Variants in EVL observed in about 807,000 individuals in gnomAD.
The protein encoded by EVL is Enah/Vasp-like.
Under a neutral mutation model 59.6 loss-of-function variants are expected in EVL, and 21 were observed. That is an observed-to-expected ratio of 0.35 (90% CI 0.25 to 0.51). The LOEUF (loss-of-function observed/expected upper bound fraction) is 0.51. Among genes scored for constraint, EVL ranks in the 20% least tolerant of loss-of-function variants. The probability of loss-of-function intolerance (pLI) is 0.97; values close to 1 mark genes in which losing one functional copy is unlikely to be tolerated. For synonymous variants in EVL, 198 were observed against 203.5 expected, an observed-to-expected ratio of 0.97 and a Z score of 0.23; for missense variants, 462 against 546.6, an observed-to-expected ratio of 0.85 and a Z score of 1.54.
At position 100,130,983 on chromosome 14, in the gene EVL, G is replaced by A. The variant is rs576191110; in HGVS notation, c.839+1299G>A. Among the ~76,000 whole-genome samples, 11 of 152,298 alleles carry A rather than the reference G, an allele frequency of 7.2e-5. No homozygotes were observed. In the South Asian group the frequency reaches 1.9e-3, roughly 26 times the overall value. On this transcript the variant is annotated intron_variant, in intron 7 of 13. Transcript: ENST00000392920. The surrounding 1 kb of genome is among the most constrained non-coding windows in gnomAD (Gnocchi z 4.8). The stretch of plus-strand genomic sequence containing the variant: ...GTGGGTGAGAGAGCCGGGAGGGCTC[G>A]CAGAACGATGAGGACGTCCCGTGCT...
rs79701189 is a variant in EVL at position 100,048,756 on chromosome 14, A to C, written c.6-35931A>C. On this transcript the variant is annotated intron_variant, in intron 1 of 13. Coordinates refer to the EVL transcript ENST00000402714. Reference sequence around the variant, plus strand: ...AACACTACTCTGCAAAAAAACAAACAAAAAAAACACTAATTATTAACTAAC... The same window carrying C: ...AACACTACTCTGCAAAAAAACAAACCAAAAAAACACTAATTATTAACTAAC... Among the ~76,000 whole-genome samples the C allele has an allele frequency of 7.7e-3, 1,173 of 152,046 alleles. 8 individuals carry two copies. Among genetic ancestry groups the C allele is most frequent in the African/African-American group, 0.024 (995 of 41,484 alleles).
intron 1 of EVL, among the ~76,000 whole-genome samples, chr14:99,983,787 T>A (rs1166108697): frequency 6.6e-6 from 1 of 152,212 alleles, no homozygotes; most frequent in Non-Finnish European, 1.5e-5. Flanking sequence ...CCTTCAAATC[T>A]TATTTGAAAC....
In EVL at chr14:100,114,304, C is replaced by T. The variant is rs1191687647; in HGVS notation, c.359-9235C>T. Among the ~76,000 whole-genome samples the T allele has an allele frequency of 2.6e-5, 4 of 152,130 alleles. No individual in the cohort carries two copies. The highest frequency in any genetic ancestry group is 4.8e-5 in the African/African-American group (2 of 41,430). The stretch of plus-strand genomic sequence containing the variant: ...GCACACTTGCTCCCTTCTGACGCCA[C>T]ACCTACCCTGTTCCATCCCATTGCC... On this transcript the variant is annotated intron_variant, in intron 3 of 13. Transcript: ENST00000392920. This position sits in a 1 kb window ranked among gnomAD's most constrained non-coding sequence, Gnocchi z 5.0.
intron 1 of EVL, among the ~76,000 whole-genome samples, chr14:100,042,541 C>G (rs1482494000): frequency 6.6e-6 from 1 of 152,164 alleles, no homozygotes; most frequent in Non-Finnish European, 1.5e-5. Flanking sequence ...CATCTCTGGG[C>G]CCTGGGCCCA....
At chr14:100,016,240 AAAAC>A (rs1169730773) in intron 1 of EVL, among the ~76,000 whole-genome samples, 1 of 151,972 alleles carries the variant, frequency 6.6e-6, no homozygotes, top group Non-Finnish European at 1.5e-5. Context: ...AACAAAAACA[AAAAC>A]AAAACACTGG....
intron 4 of EVL, among the ~76,000 whole-genome samples, chr14:100,124,061 A>G (rs1206163927): frequency 1.3e-5 from 2 of 152,228 alleles, no homozygotes; most frequent in African/African-American, 4.8e-5. Flanking sequence ...AGTGGGGAAG[A>G]GGAAGGGCCA....
intron 3 of EVL, chr14:100,105,927 C>T (rs1300485796): frequency 1.3e-5 from 2 of 152,216 alleles, no homozygotes; most frequent in African/African-American, 2.4e-5. Flanking sequence ...TTCCTTGAGT[C>T]GGGGGAGAAC....
chr14:100,070,058 C>T (rs2062015934), intron 1 of EVL, among the ~76,000 whole-genome samples: 1 of 139,928 alleles, frequency 7.1e-6, no homozygotes, highest in Non-Finnish European at 1.5e-5. Context: ...AAGACCTCCT[C>T]TCTTAAAAAA....
intron 3 of EVL, among the ~76,000 whole-genome samples, chr14:100,116,125 C>T (rs967763260): frequency 8.5e-5 from 13 of 152,200 alleles, no homozygotes; most frequent in African/African-American, 2.9e-4. Context: ...GACACTTGCT[C>T]GCTTGGTGAT....
chr14:100,059,677 T>C (rs1659500399), intron 1 of EVL, among the ~76,000 whole-genome samples: 1 of 151,542 alleles, frequency 6.6e-6, no homozygotes, highest in African/African-American at 2.4e-5. Context: ...TCAGTTGAGA[T>C]CCCAGAACTG....
chr14:100,129,943 G>A (rs1888325955), intron 7 of EVL, among the ~76,000 whole-genome samples: 1 of 152,216 alleles, frequency 6.6e-6, no homozygotes, highest in Admixed American at 6.5e-5. Context: ...TACCAGCCCT[G>A]TCCTGAGCAG....
intron 9 of EVL, 102 bp from the exon 10 acceptor site, chr14:100,137,476 C>T (rs1365042741): frequency 3.9e-6 from 5 of 1,292,668 alleles, no homozygotes; most frequent in South Asian, 1.2e-5. Context: ...GCTCTGCACC[C>T]TTGGCATGGG....
intron 1 of EVL, among the ~76,000 whole-genome samples, chr14:100,044,661 T>A (rs139778174): frequency 0.011 from 1,748 of 152,246 alleles, 41 homozygotes; most frequent in Admixed American, 0.039. Context: ...GGTATCTAAT[T>A]CCCAGGCCCA....
At chr14:100,094,327 G>A (rs187352811) in intron 2 of EVL, among the ~76,000 whole-genome samples, 9 of 152,238 alleles carry the variant, frequency 5.9e-5, no homozygotes, top group African/African-American at 1.4e-4. Context: ...TGGATTAGGC[G>A]TCATCTGCCC....
chr14:100,071,941 C>T (rs1204224905), intron 1 of EVL, among the ~76,000 whole-genome samples: 1 of 151,864 alleles, frequency 6.6e-6, no homozygotes, highest in Non-Finnish European at 1.5e-5. Context: ...ACACCTGTGC[C>T]CATTAAGAAA....
At chr14:100,083,365 TTACTC>T (rs1048801016) in intron 1 of EVL, among the ~76,000 whole-genome samples, 1 of 152,130 alleles carries the variant, frequency 6.6e-6, no homozygotes, top group Admixed American at 6.5e-5. Flanking sequence ...TGTGTACAGT[TTACTC>T]TATCTTTTTT....
In EVL at chr14:100,019,845, G is replaced by A. The variant is rs147250684; in HGVS notation, c.5+47788G>A. ...TTTATCCCAGTCATGGGGGTGGGAG[G>A]TGCAGAGGTGGTGCAGGTCAGGGGT... is the stretch of plus-strand genomic sequence containing the variant. On this transcript the variant is annotated intron_variant, in intron 1 of 13. Coordinates refer to the EVL transcript ENST00000402714. Among the ~76,000 whole-genome samples the A allele has an allele frequency of 4.6e-5, 7 of 152,328 alleles. No individual in the cohort carries two copies. In the East Asian group the frequency reaches 1.3e-3, roughly 29 times the overall value.
Position 100,076,990 on chromosome 14 carries a change from A to T in EVL, c.12-7697A>T, listed in dbSNP as rs536635014. Among the ~76,000 whole-genome samples, 9 of 152,368 alleles carry T rather than the reference A, an allele frequency of 5.9e-5. No homozygotes were observed. The South Asian group carries it at 1.9e-3, about 32-fold the overall frequency. ...TAAAGAAGATGAGGAAAGAGGAAAG[A>T]TATGGGTAGATAAAGGAGGATAAGC... On this transcript the variant is annotated intron_variant, in intron 1 of 13. Transcript: ENST00000392920.
At chr14:100,115,245 G>C (rs1038684707) in intron 3 of EVL, among the ~76,000 whole-genome samples, 2 of 152,162 alleles carry the variant, frequency 1.3e-5, no homozygotes, top group Non-Finnish European at 2.9e-5. Flanking sequence ...CCCAAACAGT[G>C]GGGGTGGGGT....
Sources: gnomAD v4.1 joint callset for allele counts (sites outside exome capture counted in the v4.1 genomes callset) on GRCh38, gnomAD v4.1.1 for gene constraint, Gnocchi (gnomAD v3.1) non-coding constraint, MANE v1.5 for transcripts, NCBI Gene and HGNC (gene_info 2026-07-23, HGNC 2026-07-21) for gene names.